The following TMCC2 variants were observed in gnomAD, a reference collection of about 807,000 sequenced individuals.
The protein encoded by TMCC2 is transmembrane and coiled-coil domains protein 2.
A neutral mutation model predicts 49.4 loss-of-function variants in TMCC2; 16 were observed. That is an observed-to-expected ratio of 0.32 (90% CI 0.22 to 0.49). TMCC2 has a LOEUF of 0.49. TMCC2 is among the 20% of genes least tolerant of loss of function. The pLI, the probability that TMCC2 is intolerant of heterozygous loss-of-function variation, is 0.99. For synonymous variants in TMCC2, 397 were observed against 434.1 expected, an observed-to-expected ratio of 0.91 and a Z score of 1.06; for missense variants, 762 against 989.8, an observed-to-expected ratio of 0.77 and a Z score of 3.09.
chr1:205,272,346 C>T lies in TMCC2; in HGVS notation c.*222C>T, dbSNP rs1025940895. The T allele has an allele frequency of 5.7e-6, 5 of 879,454 alleles. No individual in the cohort carries two copies. The highest frequency in any genetic ancestry group is 8.4e-6 in the Non-Finnish European group (5 of 597,488). 54.5% of individuals were successfully genotyped at this position (879,454 alleles called of 1,614,324 possible). On this transcript the variant is annotated 3_prime_UTR_variant, in exon 5 of 5. Transcript: ENST00000358024. ...GCCCTACCTGGAGATAGTGCGGGCA[C>T]CTGTGGCCAAGTGGAGCAGAGGTGG...
At chr1:205,237,899 C>T (rs1574833294) in intron 1 of TMCC2, among the ~76,000 whole-genome samples, 1 of 152,190 alleles carries the variant, frequency 6.6e-6, no homozygotes, top group South Asian at 2.1e-4. Flanking sequence ...GGCACCTCAC[C>T]CTGGGAGGCT....
At chr1:205,265,962 C>T (rs1661305156) in intron 2 of TMCC2, among the ~76,000 whole-genome samples, 1 of 151,330 alleles carries the variant, frequency 6.6e-6, no homozygotes, top group South Asian at 2.1e-4. Flanking sequence ...AGGTTCTGGG[C>T]TGGGCGTGGT....
chr1:205,255,399 AC>A (rs1406663682), intron 2 of TMCC2, among the ~76,000 whole-genome samples: 1 of 152,020 alleles, frequency 6.6e-6, no homozygotes, highest in Non-Finnish European at 1.5e-5. Context: ...TACTAAAAAT[AC>A]AAAAATTAGC....
intron 2 of TMCC2, among the ~76,000 whole-genome samples, chr1:205,261,840 T>C (rs1661129606): frequency 6.6e-6 from 1 of 152,174 alleles, no homozygotes; most frequent in Admixed American, 6.5e-5. Context: ...TCTAAATTAG[T>C]GCCCAACTCC....
Position 205,261,026 on chromosome 1 carries a change from G to A in TMCC2, c.748-7924G>A, listed in dbSNP as rs74662520. 2.5e-3 allele frequency among the ~76,000 whole-genome samples: 384 copies of A among 152,054 alleles called. 1 individual carries two copies. Among genetic ancestry groups the A allele is most frequent in the African/African-American group, 8.4e-3 (347 of 41,490 alleles). ...AGTGTTGAATACTCATTTTCAATTC[G>A]TTTGGGAATTGAAAATATCTAGGAG... On this transcript the variant is annotated intron_variant, in intron 2 of 4. Coordinates refer to ENST00000358024, the MANE Select transcript of TMCC2 (RefSeq NM_014858.4).
chr1:205,248,979 G>A (rs1660561569), intron 2 of TMCC2, among the ~76,000 whole-genome samples: 2 of 152,178 alleles, frequency 1.3e-5, no homozygotes, highest in Admixed American at 6.5e-5. Flanking sequence ...GAAGCAGCAC[G>A]GGGCAGAGCT....
chr1:205,269,170 A>G lies in TMCC2; in HGVS notation c.968A>G (p.Asn323Ser). The G allele has an allele frequency of 6.2e-7, 1 of 1,614,140 alleles. No homozygotes were observed. The highest frequency in any genetic ancestry group is 8.5e-7 in the Non-Finnish European group (1 of 1,180,030). ...NVAEYLKLAN[N>S]ADKQQVSRIK... Reference sequence around the variant, plus strand: ...GCAGAGTATCTGAAACTGGCCAACAACGCGGACAAGCAGCAGGTGTCACGC... The same window carrying G: ...GCAGAGTATCTGAAACTGGCCAACAGCGCGGACAAGCAGCAGGTGTCACGC... Residue 323 changes from asparagine to serine, a missense_variant, in exon 3 of 5, where the codon AAC (asparagine) becomes AGC (serine). Asn to Ser is a conservative substitution (Grantham distance 46). Transcript: ENST00000358024.
chr1:205,237,847 TC>T (rs1660115427), intron 1 of TMCC2, among the ~76,000 whole-genome samples: 1 of 152,158 alleles, frequency 6.6e-6, no homozygotes. Flanking sequence ...TTCAGATAGT[TC>T]CAGGGGAGGG....
rs1660252383 is a variant in TMCC2 at position 205,241,294 on chromosome 1, T to G, written c.208-211T>G. Among the ~76,000 whole-genome samples the G allele has an allele frequency of 6.6e-6, 1 of 152,216 alleles. No homozygotes were observed. The highest frequency in any genetic ancestry group is 6.5e-5 in the Admixed American group (1 of 15,284). ...CCGTGGAAAACCGTGGGGGCACACT[T>G]CTTTCGGAATGAAAGGATGGGTCTG... On this transcript the variant is annotated intron_variant, in intron 1 of 4. Coordinates refer to ENST00000358024, the MANE Select transcript of TMCC2 (RefSeq NM_014858.4). This position sits in a 1 kb window ranked among gnomAD's most constrained non-coding sequence, Gnocchi z 7.3.
At chr1:205,228,994 C>T in intron 1 of TMCC2, 1 of 1,365,676 alleles carries the variant, frequency 7.3e-7, no homozygotes, top group Non-Finnish European at 9.5e-7. Flanking sequence ...CATTATTCAG[C>T]AAGCGTTTTA....
chr1:205,241,721 C>CCTTCAA lies in TMCC2; in HGVS notation c.425_426insTTCAAC (p.Pro142_Ala143insSerThr), dbSNP rs1213213736. Reference sequence around the variant, plus strand: ...CTACGCCATGTCCCTGCACGACCTGCCCGCCCGGCCCACCGCCTTCAACCG... The same window carrying CCTTCAA: ...CTACGCCATGTCCCTGCACGACCTGCCTTCAACCGCCCGGCCCACCGCCTTCAACCG... On this transcript the variant is annotated inframe_insertion, in exon 2 of 5. Coordinates refer to ENST00000358024, the MANE Select transcript of TMCC2 (RefSeq NM_014858.4). This position sits in a 1 kb window ranked among gnomAD's most constrained non-coding sequence, Gnocchi z 7.3. The CCTTCAA allele has an allele frequency of 6.2e-7, 1 of 1,613,408 alleles. No homozygotes were observed. Among genetic ancestry groups the CCTTCAA allele is most frequent in the Non-Finnish European group, 8.5e-7 (1 of 1,180,012 alleles).
chr1:205,252,784 C>A (rs376783366), intron 2 of TMCC2, among the ~76,000 whole-genome samples: 1 of 150,846 alleles, frequency 6.6e-6, no homozygotes, highest in Non-Finnish European at 1.5e-5. Context: ...TCCAGTTTCC[C>A]ACCCTTCAAA....
Position 205,262,704 on chromosome 1 carries a change from C to T in TMCC2, c.748-6246C>T, listed in dbSNP as rs117687621. On this transcript the variant is annotated intron_variant, in intron 2 of 4. Transcript: ENST00000358024. ...AGGTTTGCCCCAGAGGGAGGCTACC[C>T]CATTCTTGATTTGAGGAGTGTCTCA... 3.9e-4 allele frequency among the ~76,000 whole-genome samples: 60 copies of T among 152,282 alleles called. 1 individual carries two copies. The East Asian group carries it at 8.7e-3, about 22-fold the overall frequency.
At chr1:205,230,333 G>T (rs140842707) in intron 1 of TMCC2, among the ~76,000 whole-genome samples, 27 of 152,242 alleles carry the variant, frequency 1.8e-4, no homozygotes, top group Non-Finnish European at 3.2e-4. Flanking sequence ...GAGCTTCGTG[G>T]CTAGACTTAT....
chr1:205,243,383 CA>C (rs935646488), intron 2 of TMCC2, among the ~76,000 whole-genome samples: 3 of 144,138 alleles, frequency 2.1e-5, no homozygotes, highest in African/African-American at 5.0e-5. Context: ...GACTTCGTCT[CA>C]AAAAAAAAGA....
intron 2 of TMCC2, among the ~76,000 whole-genome samples, chr1:205,244,292 G>A (rs1313944385): frequency 6.6e-6 from 1 of 152,220 alleles, no homozygotes; most frequent in Middle Eastern, 3.2e-3. Flanking sequence ...AGATAGCAGT[G>A]AGGAAGGGGA....
chr1:205,260,461 G>T (rs1332353833), intron 2 of TMCC2, among the ~76,000 whole-genome samples: 1 of 152,226 alleles, frequency 6.6e-6, no homozygotes, highest in Non-Finnish European at 1.5e-5. Context: ...GTTAGGAAGA[G>T]CTGCTACCCT....
At chr1:205,249,625 G>C (rs558968393) in intron 2 of TMCC2, among the ~76,000 whole-genome samples, 5 of 152,220 alleles carry the variant, frequency 3.3e-5, no homozygotes, top group Non-Finnish European at 5.9e-5. Context: ...CACCTTCTGA[G>C]CACACCACCA....
rs147580635 is a variant in TMCC2, at chr1:205,259,752, C to T, written c.748-9198C>T. ...GAGCCAGGGCTGGGAAGCCCTGATCCGGCAGCTCCTTATAATCTGGCAGAG... is the reference window on the plus strand; with the variant it reads ...GAGCCAGGGCTGGGAAGCCCTGATCTGGCAGCTCCTTATAATCTGGCAGAG... On this transcript the variant is annotated intron_variant, in intron 2 of 4. Transcript: ENST00000358024. Among the ~76,000 whole-genome samples the T allele has an allele frequency of 9.7e-4, 148 of 152,334 alleles. 2 individuals carry two copies. Among genetic ancestry groups the T allele is most frequent in the Middle Eastern group, 3.4e-3 (1 of 294 alleles).
Sources: allele counts gnomAD v4.1 joint callset (sites outside exome capture counted in the v4.1 genomes callset), GRCh38; gene constraint gnomAD v4.1.1; non-coding constraint Gnocchi (gnomAD v3.1); transcripts MANE v1.5; gene names NCBI Gene and HGNC (gene_info 2026-07-23, HGNC 2026-07-21).